LIPC: variants seen among roughly 807,000 people sequenced by gnomAD.
LIPC encodes hepatic triacylglycerol lipase.
In LIPC, 44 loss-of-function variants were observed where a neutral mutation model predicts 50.7. The observed-to-expected ratio is 0.87, with a 90% confidence interval of 0.68 to 1.11. The LOEUF is 1.11. LIPC is among the 50% of genes most tolerant of loss of function. LIPC has a pLI of 0.00. For synonymous variants in LIPC, 271 were observed against 256.4 expected (o/e 1.06, Z -0.54); for missense variants, 697 against 648.2 (o/e 1.08, Z -0.82).
intron 8 of LIPC, among the ~76,000 whole-genome samples, chr15:58,567,317 ATATGTG>A (rs1482917833): frequency 0.14 from 4,520 of 31,542 alleles, 140 homozygotes; most frequent in African/African-American, 0.27. Context: ...ATATATATGT[ATATGTG>A]TATATATATA....
intron 1 of LIPC, among the ~76,000 whole-genome samples, chr15:58,529,170 G>A (rs1892875257): frequency 6.6e-6 from 1 of 152,182 alleles, no homozygotes; most frequent in African/African-American, 2.4e-5. Context: ...TAAAGTTTTG[G>A]AACAAGAACA....
chr15:58,482,814 G>A (rs1178023755), intron 1 of LIPC, among the ~76,000 whole-genome samples: 1 of 152,182 alleles, frequency 6.6e-6, no homozygotes, highest in Non-Finnish European at 1.5e-5. Context: ...GGGTTTGGGG[G>A]CTTTTGAAAG....
At chr15:58,456,730 G>A (rs1466877747) in intron 1 of LIPC, among the ~76,000 whole-genome samples, 4 of 152,210 alleles carry the variant, frequency 2.6e-5, no homozygotes, top group South Asian at 2.1e-4. Flanking sequence ...AATGTCCCCC[G>A]CAACCCATCA....
chr15:58,471,368 G>A (rs1389369875), intron 1 of LIPC, among the ~76,000 whole-genome samples: 4 of 149,400 alleles, frequency 2.7e-5, no homozygotes, highest in African/African-American at 4.9e-5. Flanking sequence ...AGCTGGTCTC[G>A]AACTCTTGAC....
chr15:58,549,748 C>T lies in LIPC; in HGVS notation c.1051+1176C>T, dbSNP rs140503145. ...GAATGACAGAAATTTCTTGTGGGTG[C>T]GCACAGCATCTGAAGAGTAGTTGGT... On this transcript the variant is annotated intron_variant, in intron 6 of 8. Coordinates refer to ENST00000299022, the MANE Select transcript of LIPC (RefSeq NM_000236.3). Among the ~76,000 whole-genome samples, 97 of 152,280 alleles carry T rather than the reference C, an allele frequency of 6.4e-4. 1 individual carries two copies. In the East Asian group the frequency reaches 0.015, roughly 24 times the overall value.
chr15:58,488,992 G>T (rs1350972164), intron 1 of LIPC, among the ~76,000 whole-genome samples: 1 of 152,138 alleles, frequency 6.6e-6, no homozygotes, highest in African/African-American at 2.4e-5. Flanking sequence ...AGCTGTCTGT[G>T]AGCCAAATGA....
At chr15:58,452,144 G>C (rs1054619722) in intron 1 of LIPC, among the ~76,000 whole-genome samples, 1 of 152,192 alleles carries the variant, frequency 6.6e-6, no homozygotes, top group African/African-American at 2.4e-5. Flanking sequence ...CTATTCCACA[G>C]TGATTCTCAA....
At chr15:58,529,318 C>T (rs1346821685) in intron 1 of LIPC, among the ~76,000 whole-genome samples, 1 of 152,208 alleles carries the variant, frequency 6.6e-6, no homozygotes, top group Non-Finnish European at 1.5e-5. Context: ...TGGTCAGATG[C>T]CAGCATCACA....
chr15:58,517,450 G>A (rs781312882), intron 1 of LIPC, among the ~76,000 whole-genome samples: 5 of 152,240 alleles, frequency 3.3e-5, no homozygotes, highest in Non-Finnish European at 7.3e-5. Context: ...AACTTTCAGT[G>A]CTAAAAAGGC....
chr15:58,545,759 C>A lies in LIPC; in HGVS notation c.592C>A (p.Pro198Thr), dbSNP rs751119878. Residue 198 changes from proline to threonine, a missense_variant, in exon 5 of 9, where the codon CCT (proline) becomes ACT (threonine). Transcript: ENST00000299022. ...CCCATTAGGGCTGGATGCCGCGGGA[C>A]CTTTGTTTGAGGGAAGTGCCCCCAG... is the stretch of plus-strand genomic sequence containing the variant. ...GRITGLDAAGPLFEGSAPSNR... is the reference protein window; with the variant it reads ...GRITGLDAAGTLFEGSAPSNR... 11 of 1,614,170 alleles carry A rather than the reference C, an allele frequency of 6.8e-6. No homozygotes were observed. Among genetic ancestry groups the A allele is most frequent in the South Asian group, 1.1e-5 (1 of 91,082 alleles).
At chr15:58,566,331 G>C (rs1474365904) in intron 8 of LIPC, 2 of 985,318 alleles carry the variant, frequency 2.0e-6, no homozygotes, top group East Asian at 2.3e-4. Flanking sequence ...GGATCGGATG[G>C]ACTCCAGTGT....
intron 1 of LIPC, among the ~76,000 whole-genome samples, chr15:58,461,661 G>T (rs1276100535): frequency 3.3e-5 from 5 of 151,062 alleles, no homozygotes; most frequent in Non-Finnish European, 7.4e-5. Context: ...CAAGTGATCT[G>T]CCTGCCTTGG....
At chr15:58,451,311 C>T (rs1893892276) in intron 1 of LIPC, among the ~76,000 whole-genome samples, 1 of 152,126 alleles carries the variant, frequency 6.6e-6, no homozygotes, top group Non-Finnish European at 1.5e-5. Context: ...GAATAATAAT[C>T]CAAACCAAAT....
chr15:58,479,216 T>C (rs12441205), intron 1 of LIPC, among the ~76,000 whole-genome samples: 149,834 of 152,368 alleles, frequency 0.98, 73,722 homozygotes, highest in Middle Eastern at 1. Flanking sequence ...GTAGCTCAAC[T>C]TCTGCAGGAA....
At chr15:58,535,929 T>C (rs1488373537) in intron 1 of LIPC, among the ~76,000 whole-genome samples, 3 of 152,200 alleles carry the variant, frequency 2.0e-5, no homozygotes, top group Admixed American at 6.5e-5. Flanking sequence ...TGGCTGAAGA[T>C]TGAGTGCCAG....
chr15:58,536,782 T>C (rs1205897026), intron 1 of LIPC, among the ~76,000 whole-genome samples: 1 of 152,244 alleles, frequency 6.6e-6, no homozygotes, highest in East Asian at 1.9e-4. Context: ...TAAAATATGA[T>C]GCATTTCATT....
At chr15:58,557,111 C>A (rs1353658863) in intron 6 of LIPC, among the ~76,000 whole-genome samples, 1 of 152,056 alleles carries the variant, frequency 6.6e-6, no homozygotes, top group Non-Finnish European at 1.5e-5. Context: ...ATATATAAAG[C>A]TAGTGGTCCT....
At chr15:58,475,778 T>G (rs1360563898) in intron 1 of LIPC, among the ~76,000 whole-genome samples, 13 of 152,208 alleles carry the variant, frequency 8.5e-5, no homozygotes, top group African/African-American at 3.1e-4. Context: ...TTAGTCCCCA[T>G]GGAAGCAGCA....
chr15:58,503,232 G>A (rs1325923664), intron 1 of LIPC, among the ~76,000 whole-genome samples: 1 of 152,144 alleles, frequency 6.6e-6, no homozygotes, highest in African/African-American at 2.4e-5. Flanking sequence ...CCTCTTAAGT[G>A]GTAGAACCAA....
Sources: gnomAD v4.1 joint callset for allele counts (sites outside exome capture counted in the v4.1 genomes callset) on GRCh38, gnomAD v4.1.1 for gene constraint, MANE v1.5 for transcripts, NCBI Gene and HGNC (gene_info 2026-07-23, HGNC 2026-07-21) for gene names.